Variants in NTN4 observed in about 807,000 individuals in gnomAD.
NTN4 encodes netrin 4.
NTN4 carries 32 observed loss-of-function variants against 73.6 expected under a neutral mutation model. The observed-to-expected ratio is 0.44, with a 90% CI of 0.33 to 0.58. The LOEUF is 0.58. NTN4 is among the 20% of genes least tolerant of loss of function. NTN4 has a pLI of 0.04. For missense variants in NTN4, 654 were observed against 798.3 expected (o/e 0.82, Z 2.18); for synonymous variants, 258 against 287.5 (o/e 0.90, Z 1.04).
chr12:95,670,143 T>C lies in NTN4; in HGVS notation c.1514A>G (p.Lys505Arg), dbSNP rs1280885534. The C allele has an allele frequency of 6.4e-7, 1 of 1,574,414 alleles. No homozygotes were observed. The highest frequency in any genetic ancestry group is 2.2e-5 in the East Asian group (1 of 44,468). The change falls in exon 8 of 10, where the codon AAA (lysine) becomes AGA (arginine). Residue 505 changes from lysine to arginine, a missense_variant. Coordinates refer to ENST00000343702, the MANE Select transcript of NTN4 (RefSeq NM_021229.4). ...TAATGTCTGTTCCTTACATTCGCAT[T>C]TACCTATGGAAAGTAAATTAAAAAT... Reference protein sequence around the residue: ...QGFSALLHSGKCECKEQTLGN... With the variant: ...QGFSALLHSGRCECKEQTLGN...
chr12:95,740,375 T>C (rs906332444), intron 2 of NTN4, among the ~76,000 whole-genome samples: 4 of 152,134 alleles, frequency 2.6e-5, no homozygotes, highest in African/African-American at 9.7e-5. Context: ...GCCTCTTCTG[T>C]GTTTTGTTCC....
intron 5 of NTN4, among the ~76,000 whole-genome samples, chr12:95,702,464 A>G (rs917275911): frequency 2.0e-5 from 3 of 152,160 alleles, no homozygotes; most frequent in African/African-American, 7.2e-5. Context: ...CACTTGCTGT[A>G]TCTTTTTCAT....
chr12:95,694,039 C>T (rs1010206056), intron 5 of NTN4, among the ~76,000 whole-genome samples: 3 of 152,082 alleles, frequency 2.0e-5, no homozygotes, highest in African/African-American at 7.2e-5. Context: ...TCCACTAGAA[C>T]TCTAGGAGTC....
At chr12:95,686,220 G>A (rs1462182309) in intron 5 of NTN4, among the ~76,000 whole-genome samples, 2 of 152,166 alleles carry the variant, frequency 1.3e-5, no homozygotes, top group African/African-American at 4.8e-5. Flanking sequence ...TAGGACCTAT[G>A]TTTATCTGAG....
chr12:95,742,319 C>A, intron 2 of NTN4, among the ~76,000 whole-genome samples: 1 of 151,178 alleles, frequency 6.6e-6, no homozygotes, highest in African/African-American at 2.4e-5. Flanking sequence ...CATGGTGAAA[C>A]CCCATCTCTA....
intron 2 of NTN4, among the ~76,000 whole-genome samples, chr12:95,745,236 T>A (rs1435855405): frequency 6.6e-6 from 1 of 152,176 alleles, no homozygotes; most frequent in East Asian, 1.9e-4. Context: ...TTCTTAAAAA[T>A]TTTTGTTCCC....
chr12:95,755,480 T>C (rs1190547897), intron 2 of NTN4, among the ~76,000 whole-genome samples: 1 of 152,216 alleles, frequency 6.6e-6, no homozygotes, highest in Non-Finnish European at 1.5e-5. Context: ...TGTCCTTGAC[T>C]GTGCCCCTTT....
chr12:95,782,364 C>T lies in NTN4; in HGVS notation c.585+4575G>A, dbSNP rs187972221. The stretch of plus-strand genomic sequence containing the variant: ...AGGCTGAGGTGCAGGGGCGTGATCT[C>T]GGGTCACTGCAACCTCCGCCTCCCA... On this transcript the variant is annotated intron_variant, in intron 2 of 9. Coordinates refer to ENST00000343702, the MANE Select transcript of NTN4 (RefSeq NM_021229.4). Among the ~76,000 whole-genome samples the T allele has an allele frequency of 1.2e-3, 181 of 151,712 alleles. 1 individual carries two copies. The highest frequency in any genetic ancestry group is 4.7e-3 in the Admixed American group (72 of 15,226).
Position 95,735,333 on chromosome 12 carries a change from GT to G in NTN4, c.864+2532del, listed in dbSNP as rs369065413. ...CAACATAGTCTTGGCCACTTAGGCT[GT>G]TTTTTACCCCCTACCTGGCCTTATC... On this transcript the variant is annotated intron_variant, in intron 3 of 9. Transcript: ENST00000343702. 3.3e-5 allele frequency among the ~76,000 whole-genome samples: 5 copies of G among 152,198 alleles called. No homozygotes were observed. In the South Asian group the frequency reaches 1.0e-3, roughly 32 times the overall value.
intron 7 of NTN4, among the ~76,000 whole-genome samples, chr12:95,671,752 C>G (rs1002861528): frequency 6.6e-6 from 1 of 152,142 alleles, no homozygotes; most frequent in Non-Finnish European, 1.5e-5. Context: ...AGACTGTGTC[C>G]CTTCAAGACA....
intron 7 of NTN4, chr12:95,672,137 G>T: frequency 2.4e-6 from 1 of 409,226 alleles, no homozygotes; most frequent in South Asian, 2.1e-5. Context: ...GCTAGGTAAC[G>T]TAGTAAGACA....
At chr12:95,672,777 C>T (rs1258360708) in intron 7 of NTN4, 26 of 1,314,576 alleles carry the variant, frequency 2.0e-5, no homozygotes, top group South Asian at 1.8e-4. Flanking sequence ...GTCTGAAGGA[C>T]ACTATTGCCA....
intron 2 of NTN4, among the ~76,000 whole-genome samples, chr12:95,745,471 T>A (rs1160348045): frequency 6.6e-6 from 1 of 152,236 alleles, no homozygotes; most frequent in Non-Finnish European, 1.5e-5. Flanking sequence ...ATCTCAGGCA[T>A]CAGAATCTTC....
chr12:95,783,682 A>T (rs527934781), intron 2 of NTN4, among the ~76,000 whole-genome samples: 1 of 152,340 alleles, frequency 6.6e-6, no homozygotes, highest in South Asian at 2.1e-4. Context: ...CACGTAACTA[A>T]TGGTATGTTG....
chr12:95,790,303 T>TCCCCATGG lies in NTN4; in HGVS notation c.-2_6dup (p.Ser3ProfsTer21), dbSNP rs1304249665. 6.5e-7 allele frequency: 1 copy of TCCCCATGG among 1,529,862 alleles called. No homozygotes were observed. The highest frequency in any genetic ancestry group is 8.8e-7 in the Non-Finnish European group (1 of 1,139,268). The allele number at this position is 1,529,862 out of a possible 1,614,324, so 94.8% of individuals were successfully genotyped here. ...CAGAGCAGCAGCAGCCGCGCGCAGC[T>TCCCCATGG]CCCCATGGCCGGGAGGAGCCGGGAG... On this transcript the variant is annotated frameshift_variant, in exon 1 of 10. Transcript: ENST00000343702. LOFTEE classifies it high-confidence loss of function. The surrounding 1 kb of genome is among the most constrained non-coding windows in gnomAD (Gnocchi z 6.5).
chr12:95,784,265 A>G (rs1341936237), intron 2 of NTN4, among the ~76,000 whole-genome samples: 2 of 152,208 alleles, frequency 1.3e-5, no homozygotes, highest in Non-Finnish European at 2.9e-5. Context: ...GACAGGGGAG[A>G]GGAAGGCAAT....
intron 5 of NTN4, among the ~76,000 whole-genome samples, chr12:95,699,159 T>C (rs1026234500): frequency 5.3e-5 from 8 of 152,312 alleles, no homozygotes; most frequent in African/African-American, 1.9e-4. Flanking sequence ...TTGCTTTCAA[T>C]ATAAAACAAG....
intron 3 of NTN4, among the ~76,000 whole-genome samples, chr12:95,729,197 T>C (rs1421036318): frequency 3.3e-5 from 5 of 151,620 alleles, no homozygotes; most frequent in African/African-American, 9.7e-5. Context: ...ATGAAGTGCA[T>C]AATGTTTATA....
chr12:95,684,357 G>A (rs1339229277), intron 5 of NTN4, among the ~76,000 whole-genome samples: 1 of 151,858 alleles, frequency 6.6e-6, no homozygotes, highest in African/African-American at 2.4e-5. Context: ...AGAGTGCAGT[G>A]GTACCACCAT....
Sources: allele counts gnomAD v4.1 joint callset (sites outside exome capture counted in the v4.1 genomes callset), GRCh38; gene constraint gnomAD v4.1.1; non-coding constraint Gnocchi (gnomAD v3.1); transcripts MANE v1.5; gene names NCBI Gene and HGNC (gene_info 2026-07-23, HGNC 2026-07-21).